CFAP299: variants seen among roughly 807,000 people sequenced by gnomAD.
The protein encoded by CFAP299 is cilia and flagella associated protein 299.
A neutral mutation model predicts 27.0 loss-of-function variants in CFAP299; 21 were observed. The ratio of observed to expected loss-of-function variants is 0.78; its 90% CI spans 0.55 to 1.12. The LOEUF (loss-of-function observed/expected upper bound fraction) is 1.12. Ranked by LOEUF, CFAP299 falls within the 50% of genes most tolerant of loss-of-function variation. The pLI is 0.00. For synonymous variants in CFAP299, 104 were observed against 98.1 expected (o/e 1.06, Z -0.36); for missense variants, 310 against 276.6 (o/e 1.12, Z -0.86).
chr4:80,793,814 T>C (rs1351107149), intron 3 of CFAP299, among the ~76,000 whole-genome samples: 28 of 152,176 alleles, frequency 1.8e-4, no homozygotes, highest in Admixed American at 1.7e-3. Context: ...ATAGAGGAAA[T>C]ACTCCTCATG....
intron 3 of CFAP299, among the ~76,000 whole-genome samples, chr4:80,657,816 G>T (rs1476509232): frequency 6.6e-6 from 1 of 152,020 alleles, no homozygotes; most frequent in Non-Finnish European, 1.5e-5. Context: ...AAATTACATT[G>T]GGCAGGATGG....
At chr4:80,629,871 G>GAAAAAAAAAA (rs1239255685) in intron 3 of CFAP299, among the ~76,000 whole-genome samples, 2 of 67,006 alleles carry the variant, frequency 3.0e-5, no homozygotes, top group Non-Finnish European at 7.9e-5. Flanking sequence ...TCTGTATCTG[G>GAAAAAAAAAA]AAAAAAAAAA....
intron 2 of CFAP299, among the ~76,000 whole-genome samples, chr4:80,495,769 C>A (rs1177575450): frequency 1.3e-5 from 2 of 152,224 alleles, no homozygotes; most frequent in African/African-American, 4.8e-5. Context: ...GTACAGGAAG[C>A]ATGATACTAG....
chr4:80,677,066 T>C (rs1047836142), intron 3 of CFAP299, among the ~76,000 whole-genome samples: 41 of 152,118 alleles, frequency 2.7e-4, no homozygotes, highest in Admixed American at 1.2e-3. Context: ...TTCTGCTTTT[T>C]TGATGTAGGT....
chr4:80,590,681 A>G (rs2109884035), intron 3 of CFAP299, among the ~76,000 whole-genome samples: 2 of 152,308 alleles, frequency 1.3e-5, no homozygotes, highest in South Asian at 4.1e-4. Flanking sequence ...TTAATAACTT[A>G]TTATTTAAAA....
intron 3 of CFAP299, among the ~76,000 whole-genome samples, chr4:80,811,683 T>G (rs1265939843): frequency 6.6e-6 from 1 of 152,096 alleles, no homozygotes; most frequent in East Asian, 1.9e-4. Flanking sequence ...GGGCAGTGAG[T>G]TGAGAAGCTG....
chr4:80,672,908 G>A (rs1250955990), intron 3 of CFAP299, among the ~76,000 whole-genome samples: 1 of 147,778 alleles, frequency 6.8e-6, no homozygotes, highest in African/African-American at 2.5e-5. Flanking sequence ...TTCTTTATTA[G>A]TCTTGTTAGT....
intron 3 of CFAP299, chr4:80,790,541 C>T (rs923330313): frequency 1.3e-5 from 2 of 151,818 alleles, no homozygotes; most frequent in African/African-American, 4.8e-5. Context: ...AGATTAGTGC[C>T]TTTATAAGAA....
intron 3 of CFAP299, among the ~76,000 whole-genome samples, chr4:80,635,445 C>T (rs1027463752): frequency 9.9e-5 from 15 of 152,154 alleles, no homozygotes; most frequent in Non-Finnish European, 1.8e-4. Context: ...GACTCTCCCA[C>T]ATTACTTCCT....
At chr4:80,350,170 G>C (rs185813276) in intron 1 of CFAP299, among the ~76,000 whole-genome samples, 1 of 151,934 alleles carries the variant, frequency 6.6e-6, no homozygotes, top group African/African-American at 2.4e-5. Context: ...AATGAACAAA[G>C]GGAAGGAAGG....
intron 3 of CFAP299, among the ~76,000 whole-genome samples, chr4:80,602,788 C>A (rs1309567740): frequency 6.6e-6 from 1 of 152,102 alleles, no homozygotes; most frequent in Non-Finnish European, 1.5e-5. Context: ...CGTTGCAGAT[C>A]GCAAAGCTTC....
upstream of CFAP299, among the ~76,000 whole-genome samples, chr4:80,333,838 A>G (rs544855593): frequency 1.3e-5 from 2 of 152,302 alleles, no homozygotes; most frequent in East Asian, 3.9e-4. Context: ...GTATTTCTTG[A>G]TCATAACAAA....
intron 3 of CFAP299, among the ~76,000 whole-genome samples, chr4:80,766,553 C>T (rs1725873855): frequency 6.6e-6 from 1 of 152,094 alleles, no homozygotes; most frequent in Non-Finnish European, 1.5e-5. Context: ...TACAGACATA[C>T]AGACTGGAGA....
intron 2 of CFAP299, among the ~76,000 whole-genome samples, chr4:80,578,708 A>T (rs1736008782): frequency 6.6e-6 from 1 of 152,208 alleles, no homozygotes; most frequent in Admixed American, 6.5e-5. Context: ...TTAGCACAGC[A>T]TGAAATCAAG....
chr4:80,325,074 G>A, the CFAP299 span, among the ~76,000 whole-genome samples: 2 of 152,356 alleles, frequency 1.3e-5, no homozygotes, highest in Non-Finnish European at 2.9e-5. Context: ...AGTGAGCCAA[G>A]ATCATGGCAC....
chr4:80,532,365 A>G (rs1467641661), intron 2 of CFAP299, among the ~76,000 whole-genome samples: 1 of 152,222 alleles, frequency 6.6e-6, no homozygotes, highest in Non-Finnish European at 1.5e-5. Flanking sequence ...GTGATATTAA[A>G]AAGTGGGAAG....
At chr4:80,781,290 T>A (rs2110091090) in intron 3 of CFAP299, among the ~76,000 whole-genome samples, 1 of 152,050 alleles carries the variant, frequency 6.6e-6, no homozygotes, top group South Asian at 2.1e-4. Context: ...TAGTTAAAGG[T>A]GTAGTTATAA....
intron 2 of CFAP299, among the ~76,000 whole-genome samples, chr4:80,579,437 G>A (rs1183055369): frequency 6.6e-6 from 1 of 152,088 alleles, no homozygotes; most frequent in East Asian, 1.9e-4. Context: ...TACGGAAGAA[G>A]GGGGAACAGT....
rs148030989 is a variant in CFAP299, at chr4:80,745,066, A to G, written c.334-124927A>G. 2.5e-3 allele frequency among the ~76,000 whole-genome samples: 374 copies of G among 152,322 alleles called. 1 individual carries two copies. The highest frequency in any genetic ancestry group is 8.6e-3 in the African/African-American group (356 of 41,582). On this transcript the variant is annotated intron_variant, in intron 3 of 5. Transcript: ENST00000358105. Reference sequence around the variant, plus strand: ...CAGATTTGTTACACACAGAATAAAGAAAAGAAAATTGATGTTTCACACACA... The same window carrying G: ...CAGATTTGTTACACACAGAATAAAGGAAAGAAAATTGATGTTTCACACACA...
Sources: gnomAD v4.1 joint callset for allele counts (sites outside exome capture counted in the v4.1 genomes callset) on GRCh38, gnomAD v4.1.1 for gene constraint, MANE v1.5 for transcripts, NCBI Gene and HGNC (gene_info 2026-07-23, HGNC 2026-07-21) for gene names.